The following ATP6V0A4 variants were observed in gnomAD, a reference collection of about 807,000 sequenced individuals.
The protein encoded by ATP6V0A4 is ATPase H+ transporting V0 subunit a4, also known as V-type proton ATPase 116 kDa subunit a 4.
ATP6V0A4 carries 86 observed loss-of-function variants against 107.3 expected under a neutral mutation model. The ratio of observed to expected loss-of-function variants is 0.80; its 90% CI spans 0.67 to 0.96. ATP6V0A4 has a LOEUF of 0.96. ATP6V0A4 is among the 40% of genes least tolerant of loss of function. The probability of loss-of-function intolerance (pLI) is 0.00; values close to 1 mark genes in which losing one functional copy is unlikely to be tolerated. For synonymous variants in ATP6V0A4, 353 were observed against 381.4 expected (o/e 0.93, Z 0.87); for missense variants, 908 against 1,045.6 (o/e 0.87, Z 1.81).
At chr7:138,714,623 G>C (rs1803940692) in intron 20 of ATP6V0A4, among the ~76,000 whole-genome samples, 1 of 152,100 alleles carries the variant, frequency 6.6e-6, no homozygotes. Flanking sequence ...GTATTTCTGG[G>C]CCTGGCCTGA....
chr7:138,706,752 G>A (rs1803388453), intron 21 of ATP6V0A4, 35 bp from the exon 22 acceptor site: 1 of 1,610,816 alleles, frequency 6.2e-7, no homozygotes. Flanking sequence ...GTAAGAAATG[G>A]GAGATTGAAA....
chr7:138,738,436 T>C (rs1805456602), intron 15 of ATP6V0A4, among the ~76,000 whole-genome samples: 1 of 152,112 alleles, frequency 6.6e-6, no homozygotes, highest in Admixed American at 6.6e-5. Context: ...CAAAGGAAGA[T>C]CAACCAGACC....
chr7:138,764,764 A>G (rs1168791922), intron 5 of ATP6V0A4: 1 of 152,252 alleles, frequency 6.6e-6, no homozygotes, highest in Admixed American at 6.5e-5. Context: ...TTTTTAATCC[A>G]TCTAAAAGAC....
At chr7:138,792,056 C>T (rs552312970) in intron 1 of ATP6V0A4, among the ~76,000 whole-genome samples, 1 of 152,266 alleles carries the variant, frequency 6.6e-6, no homozygotes, top group South Asian at 2.1e-4. Flanking sequence ...CGCCTGTAAT[C>T]CCAGCACTTT....
Position 138,709,647 on chromosome 7 carries a change from G to A in ATP6V0A4, c.2406C>T (p.Phe802=), listed in dbSNP as rs774637198. 4 of 1,612,934 alleles carry A rather than the reference G, an allele frequency of 2.5e-6. No homozygotes were observed. The highest frequency in any genetic ancestry group is 2.2e-5 in the East Asian group (1 of 44,828). The change falls in exon 21 of 22, where the codon TTC becomes TTT. Residue 802 remains phenylalanine, a synonymous_variant. Transcript: ENST00000310018. ...ACCAGTGCAGTCGCAGGGCGTGCAG[G>A]AAAGCAGAGAGGCCCTCCATGATCA... The part of the protein sequence containing the change: ...ILLIMEGLSA[F]LHALRLHWVE...
At chr7:138,736,114 C>G (rs764768520) in intron 15 of ATP6V0A4, among the ~76,000 whole-genome samples, 1 of 151,810 alleles carries the variant, frequency 6.6e-6, no homozygotes, top group Non-Finnish European at 1.5e-5. Context: ...CATGGCATGG[C>G]ACGTGCCTGT....
intron 1 of ATP6V0A4, among the ~76,000 whole-genome samples, chr7:138,797,208 CT>C (rs3842142): frequency 1.9e-3 from 184 of 96,112 alleles, no homozygotes; most frequent in South Asian, 0.012. Context: ...ATGCCATTTT[CT>C]TTTTTTTTTT....
At chr7:138,785,984 C>T (rs999244468) in intron 2 of ATP6V0A4, among the ~76,000 whole-genome samples, 174 bp downstream of exon 2, 1 of 152,156 alleles carries the variant, frequency 6.6e-6, no homozygotes, top group African/African-American at 2.4e-5. Flanking sequence ...ACTTTCTGTC[C>T]TCTAGATCAC....
At chr7:138,790,732 A>T (rs114145711) in intron 1 of ATP6V0A4, among the ~76,000 whole-genome samples, 26 of 152,274 alleles carry the variant, frequency 1.7e-4, no homozygotes, top group African/African-American at 6.0e-4. Flanking sequence ...TTCCTTGGGG[A>T]TGAAATTTCT....
At chr7:138,721,692 G>C (rs1405442945) in intron 19 of ATP6V0A4, among the ~76,000 whole-genome samples, 1 of 152,176 alleles carries the variant, frequency 6.6e-6, no homozygotes, top group Admixed American at 6.5e-5. Flanking sequence ...AATGTGCCCA[G>C]ATTGGTTGCT....
intron 14 of ATP6V0A4, among the ~76,000 whole-genome samples, chr7:138,741,736 C>T (rs751362987): frequency 3.2e-4 from 49 of 152,302 alleles, no homozygotes; most frequent in Non-Finnish European, 6.0e-4. Context: ...GCACCATTTC[C>T]CTTGTTGAGT....
At chr7:138,714,351 C>G (rs1803919219) in intron 20 of ATP6V0A4, among the ~76,000 whole-genome samples, 2 of 151,928 alleles carry the variant, frequency 1.3e-5, no homozygotes, top group South Asian at 4.2e-4. Context: ...ACCCAGAGAT[C>G]AAGATGGGGC....
intron 2 of ATP6V0A4, among the ~76,000 whole-genome samples, chr7:138,776,861 T>C (rs1288919610): frequency 6.6e-6 from 1 of 152,072 alleles, no homozygotes; most frequent in Non-Finnish European, 1.5e-5. Flanking sequence ...AAAGTGGAAG[T>C]ATAGGCTGGA....
In ATP6V0A4 at chr7:138,771,042, G is replaced by A. The variant is rs545723729; in HGVS notation, c.117+89C>T. ...CTCACGGCTCCTCTCCCTACAAAATGGTTATTGTTCACCATAAAGAAGTGT... is the reference window on the plus strand; with the variant it reads ...CTCACGGCTCCTCTCCCTACAAAATAGTTATTGTTCACCATAAAGAAGTGT... On this transcript the variant is annotated intron_variant, in intron 3 of 21. Transcript: ENST00000310018. The A allele has an allele frequency of 3.6e-4, 461 of 1,270,432 alleles. 8 individuals are homozygous for A. In the South Asian group the frequency reaches 5.3e-3, roughly 15 times the overall value. 78.7% of individuals were successfully genotyped at this position (1,270,432 alleles called of 1,614,324 possible). A position where few individuals can be genotyped will look rare whatever the true frequency, so the allele number is the denominator to read the frequency against.
At chr7:138,745,997 A>C (rs1212261641) in intron 13 of ATP6V0A4, among the ~76,000 whole-genome samples, 1 of 89,660 alleles carries the variant, frequency 1.1e-5, no homozygotes. Context: ...TATTATAAAT[A>C]TAAATAATAT....
intron 19 of ATP6V0A4, 28 bp from the exon 20 acceptor site, chr7:138,715,909 T>A (rs1474246489): frequency 1.9e-6 from 3 of 1,609,640 alleles, no homozygotes; most frequent in Non-Finnish European, 2.5e-6. Context: ...TTATTTTACT[T>A]CATTGAGAAT....
At chr7:138,760,912 G>A (rs1015364556) in intron 7 of ATP6V0A4, among the ~76,000 whole-genome samples, 9 of 152,146 alleles carry the variant, frequency 5.9e-5, no homozygotes, top group African/African-American at 2.2e-4. Flanking sequence ...TCATGGCTAC[G>A]ACACATCATA....
Position 138,753,038 on chromosome 7 carries a change from A to G in ATP6V0A4, c.817-201T>C, listed in dbSNP as rs1427107354. 1.7e-5 allele frequency: 8 copies of G among 460,210 alleles called. No homozygotes were observed. In the East Asian group the frequency reaches 4.7e-4, roughly 27 times the overall value. 28.5% of individuals were successfully genotyped at this position (460,210 alleles called of 1,614,324 possible). ...GCTAAAACCCTTAGGCAGAGATTGT[A>G]TCTTCCTTTTCTTCTAAATTCCTCA... On this transcript the variant is annotated intron_variant, in intron 10 of 21. Coordinates refer to ENST00000310018, the MANE Select transcript of ATP6V0A4 (RefSeq NM_020632.3).
In ATP6V0A4 at chr7:138,784,307, C is replaced by CATATATAT. The variant is rs1243135259; in HGVS notation, c.-18+1843_-18+1850dup. ...ATATATATACACACACACACACACA[C>CATATATAT]ATATATATATATGTATTTTTTTTTT... On this transcript the variant is annotated intron_variant, in intron 2 of 21. Transcript: ENST00000310018. Among the ~76,000 whole-genome samples, 573 of 123,884 alleles carry CATATATAT rather than the reference C, an allele frequency of 4.6e-3. 7 individuals carry two copies. Among genetic ancestry groups the CATATATAT allele is most frequent in the African/African-American group, 0.02 (542 of 27,174 alleles). The allele number at this position is 123,884 out of a possible 152,430, so 81.3% of individuals were successfully genotyped here.
Sources: gnomAD v4.1 joint callset for allele counts (sites outside exome capture counted in the v4.1 genomes callset) on GRCh38, gnomAD v4.1.1 for gene constraint, MANE v1.5 for transcripts, NCBI Gene and HGNC (gene_info 2026-07-23, HGNC 2026-07-21) for gene names.